The following SPAG16 variants were observed in gnomAD, a reference collection of about 807,000 sequenced individuals.
SPAG16 encodes the protein sperm-associated antigen 16 protein.
SPAG16 carries 86 observed loss-of-function variants against 80.4 expected under a neutral mutation model. The ratio of observed to expected loss-of-function variants is 1.07; its 90% confidence interval spans 0.90 to 1.28. SPAG16 has a LOEUF of 1.28. Ranked by LOEUF, SPAG16 falls within the 50% of genes most tolerant of loss-of-function variation. The pLI is 0.00. For missense variants in SPAG16, 870 were observed against 765.3 expected, an observed-to-expected ratio of 1.14 and a Z score of -1.61; for synonymous variants, 294 against 265.9, an observed-to-expected ratio of 1.11 and a Z score of -1.03.
intron 9 of SPAG16, among the ~76,000 whole-genome samples, chr2:213,443,841 A>C (rs1010626409): frequency 6.6e-6 from 1 of 152,132 alleles, no homozygotes; most frequent in African/African-American, 2.4e-5. Flanking sequence ...GATTTTGCAG[A>C]CCTGGATTTA....
chr2:213,744,667 A>G (rs538996471), intron 10 of SPAG16, among the ~76,000 whole-genome samples: 12 of 152,342 alleles, frequency 7.9e-5, no homozygotes, highest in Non-Finnish European at 1.3e-4. Context: ...TTTAATAATA[A>G]AACACTGGGA....
intron 14 of SPAG16, among the ~76,000 whole-genome samples, chr2:214,147,044 A>G (rs1164633735): frequency 6.6e-6 from 1 of 151,966 alleles, no homozygotes; most frequent in Non-Finnish European, 1.5e-5. Context: ...ACCATAATGC[A>G]TACTTTGTCA....
chr2:213,731,555 G>C (rs1374094268), intron 10 of SPAG16, among the ~76,000 whole-genome samples: 1 of 151,790 alleles, frequency 6.6e-6, no homozygotes, highest in African/African-American at 2.4e-5. Context: ...TGCCATGGTG[G>C]TTTGCTGCAC....
At chr2:213,745,601 T>C (rs1366077912) in intron 10 of SPAG16, among the ~76,000 whole-genome samples, 1 of 152,234 alleles carries the variant, frequency 6.6e-6, no homozygotes, top group Non-Finnish European at 1.5e-5. Flanking sequence ...GATATATTCA[T>C]ACTTTTAAGA....
At chr2:214,299,649 A>G (rs990658058) in intron 15 of SPAG16, among the ~76,000 whole-genome samples, 1 of 152,174 alleles carries the variant, frequency 6.6e-6, no homozygotes, top group African/African-American at 2.4e-5. Flanking sequence ...CTTTTTATAC[A>G]TGGCCTGATT....
At chr2:213,680,056 TG>T (rs1196282605) in intron 10 of SPAG16, among the ~76,000 whole-genome samples, 2 of 151,962 alleles carry the variant, frequency 1.3e-5, no homozygotes, top group African/African-American at 4.8e-5. Flanking sequence ...CACACCACCG[TG>T]GGCCACATGA....
chr2:214,330,934 T>C (rs552402203), intron 15 of SPAG16, among the ~76,000 whole-genome samples: 29 of 152,258 alleles, frequency 1.9e-4, no homozygotes, highest in African/African-American at 6.7e-4. Flanking sequence ...CAAAGAAAGA[T>C]TTTGGTTAGT....
At chr2:214,085,025 T>A (rs991196088) in intron 13 of SPAG16, among the ~76,000 whole-genome samples, 1 of 152,152 alleles carries the variant, frequency 6.6e-6, no homozygotes, top group African/African-American at 2.4e-5. Flanking sequence ...TTGGAAGAAA[T>A]GCTTCACAGA....
chr2:214,167,346 G>A (rs2056696014), intron 15 of SPAG16, among the ~76,000 whole-genome samples: 1 of 152,108 alleles, frequency 6.6e-6, no homozygotes, highest in African/African-American at 2.4e-5. Context: ...ACCAGCAGTG[G>A]AGGCCTGAGT....
intron 13 of SPAG16, among the ~76,000 whole-genome samples, chr2:214,081,760 A>C (rs948505692): frequency 2.0e-5 from 3 of 152,028 alleles, no homozygotes; most frequent in Non-Finnish European, 4.4e-5. Flanking sequence ...TTCTTCCCCC[A>C]GTACCTGATG....
At chr2:213,671,442 A>C (rs1422361989) in intron 10 of SPAG16, among the ~76,000 whole-genome samples, 1 of 151,986 alleles carries the variant, frequency 6.6e-6, no homozygotes, top group Non-Finnish European at 1.5e-5. Flanking sequence ...GAAGATGTCC[A>C]TGAGTGGCAT....
chr2:213,365,340 G>A (rs1268489828), intron 8 of SPAG16: 1 of 152,144 alleles, frequency 6.6e-6, no homozygotes, highest in Non-Finnish European at 1.5e-5. Flanking sequence ...TTATGTTCAA[G>A]GACTTAATGG....
intron 15 of SPAG16, among the ~76,000 whole-genome samples, chr2:214,170,580 C>T (rs1054688251): frequency 5.3e-5 from 8 of 151,904 alleles, no homozygotes; most frequent in African/African-American, 1.9e-4. Context: ...GATAATAAAA[C>T]CTTGTGATTT....
intron 10 of SPAG16, among the ~76,000 whole-genome samples, chr2:213,493,306 A>C (rs543095515): frequency 6.6e-6 from 1 of 152,184 alleles, no homozygotes. Context: ...ATTTATCAAA[A>C]TGTGTTTTTA....
intron 3 of SPAG16, among the ~76,000 whole-genome samples, chr2:213,303,730 A>G (rs1361285166): frequency 6.6e-6 from 1 of 152,138 alleles, no homozygotes; most frequent in Non-Finnish European, 1.5e-5. Context: ...TGATGGCTGA[A>G]TAGTACTTTA....
intron 13 of SPAG16, among the ~76,000 whole-genome samples, chr2:214,067,543 T>C (rs551504630): frequency 2.6e-5 from 4 of 152,170 alleles, no homozygotes; most frequent in Admixed American, 2.6e-4. Context: ...AGGAGAGGTA[T>C]TACTATTGCG....
At chr2:213,506,826 A>T (rs2074988900) in intron 10 of SPAG16, among the ~76,000 whole-genome samples, 1 of 152,204 alleles carries the variant, frequency 6.6e-6, no homozygotes, top group African/African-American at 2.4e-5. Context: ...CCTTAAAGAT[A>T]TTACCAAATA....
At chr2:213,564,750 T>C (rs569103825) in intron 10 of SPAG16, among the ~76,000 whole-genome samples, 15 of 152,330 alleles carry the variant, frequency 9.8e-5, no homozygotes, top group Middle Eastern at 3.4e-3. Context: ...TCATTAACTT[T>C]GTTAATATGC....
At chr2:213,916,526 A>G (rs948789592) in intron 11 of SPAG16, among the ~76,000 whole-genome samples, 8 of 152,198 alleles carry the variant, frequency 5.3e-5, no homozygotes, top group Non-Finnish European at 1.2e-4. Context: ...GCCTTGTAGT[A>G]TATTTTGAAG....
Sources: gnomAD v4.1 joint callset for allele counts (sites outside exome capture counted in the v4.1 genomes callset) on GRCh38, gnomAD v4.1.1 for gene constraint, MANE v1.5 for transcripts, NCBI Gene and HGNC (gene_info 2026-07-23, HGNC 2026-07-21) for gene names.